Variants in GALNT13 observed in about 807,000 individuals in gnomAD.
The protein encoded by GALNT13 is UDP-GalNAc:polypeptide N-acetylgalactosaminyltransferase 13.
Under a neutral mutation model 64.2 loss-of-function variants are expected in GALNT13, and 28 were observed. The observed-to-expected ratio is 0.44, with a 90% CI of 0.32 to 0.60. GALNT13 has a LOEUF of 0.60. Among genes scored for constraint, GALNT13 ranks in the 20% least tolerant of loss-of-function variants. The probability of loss-of-function intolerance (pLI) is 0.05; values close to 1 mark genes in which losing one functional copy is unlikely to be tolerated. For synonymous variants in GALNT13, 214 were observed against 224.6 expected (o/e 0.95, Z 0.42); for missense variants, 577 against 669.8 (o/e 0.86, Z 1.53).
intron 10 of GALNT13, among the ~76,000 whole-genome samples, chr2:154,408,234 G>C (rs978057604): frequency 6.6e-6 from 1 of 151,732 alleles, no homozygotes; most frequent in African/African-American, 2.4e-5. Context: ...GTCAATTATT[G>C]GTTTTGTAAT....
intron 3 of GALNT13, among the ~76,000 whole-genome samples, chr2:154,085,586 C>T (rs1701482213): frequency 6.6e-6 from 1 of 151,952 alleles, no homozygotes; most frequent in Non-Finnish European, 1.5e-5. Flanking sequence ...TTTCTGCTTC[C>T]ATCATTTAAT....
chr2:153,985,808 G>C (rs1182800159), intron 3 of GALNT13, among the ~76,000 whole-genome samples: 2 of 151,880 alleles, frequency 1.3e-5, no homozygotes, highest in Non-Finnish European at 2.9e-5. Context: ...GAATTTTCCT[G>C]TTTCATTATT....
chr2:154,190,503 T>G (rs1284982133), intron 4 of GALNT13, among the ~76,000 whole-genome samples: 2 of 152,234 alleles, frequency 1.3e-5, no homozygotes, highest in African/African-American at 2.4e-5. Flanking sequence ...GTGTATTTAT[T>G]TAATTGACAT....
Position 154,285,315 on chromosome 2 carries a change from T to C in GALNT13, c.976-16094T>C, listed in dbSNP as rs557039984. 7.2e-5 allele frequency among the ~76,000 whole-genome samples: 11 copies of C among 152,300 alleles called. No homozygotes were observed. In the East Asian group the frequency reaches 2.1e-3, roughly 29 times the overall value. ...CCCAGACTAATATCATGGAGTTTTT[T>C]CCCCATGTTTTATTTGAGTAACTTT... On this transcript the variant is annotated intron_variant, in intron 8 of 12. Transcript: ENST00000392825.
chr2:153,426,328 C>A, the GALNT13 span, among the ~76,000 whole-genome samples: 1 of 151,770 alleles, frequency 6.6e-6, no homozygotes, highest in African/African-American at 2.4e-5. Context: ...GGATTTCCAT[C>A]AAGCAGAGGG....
chr2:153,243,728 G>A, the GALNT13 span, among the ~76,000 whole-genome samples: 1 of 152,178 alleles, frequency 6.6e-6, no homozygotes, highest in Non-Finnish European at 1.5e-5. Flanking sequence ...TGCAAAGCAT[G>A]TTCTGTGGGT....
rs540916247 is a variant in GALNT13 at position 154,373,591 on chromosome 2, G to A, written c.1157-22400G>A. On this transcript the variant is annotated intron_variant, in intron 9 of 12. Transcript: ENST00000392825. ...AGACAACTTCATCACTGGACTTTTT[G>A]CCCTCAAAAGATCTTGTATAAAAAT... 9.9e-5 allele frequency among the ~76,000 whole-genome samples: 15 copies of A among 152,240 alleles called. No individual in the cohort carries two copies. In the South Asian group the frequency reaches 3.1e-3, roughly 32 times the overall value.
chr2:153,896,457 T>G (rs1274733994), intron 1 of GALNT13, among the ~76,000 whole-genome samples: 1 of 151,836 alleles, frequency 6.6e-6, no homozygotes, highest in African/African-American at 2.4e-5. Flanking sequence ...AGATGTAAAT[T>G]GTATATACAT....
chr2:154,243,759 C>G (rs1689624561), intron 6 of GALNT13, among the ~76,000 whole-genome samples: 1 of 152,104 alleles, frequency 6.6e-6, no homozygotes, highest in Non-Finnish European at 1.5e-5. Context: ...TTACATAACA[C>G]CATACTTGCA....
At chr2:154,152,055 G>T (rs1232650427) in intron 4 of GALNT13, among the ~76,000 whole-genome samples, 2 of 152,146 alleles carry the variant, frequency 1.3e-5, no homozygotes, top group African/African-American at 4.8e-5. Flanking sequence ...GCATGTTTTT[G>T]CAGTGGCTGG....
chr2:153,697,460 G>A, the GALNT13 span, among the ~76,000 whole-genome samples: 50 of 152,098 alleles, frequency 3.3e-4, no homozygotes, highest in Admixed American at 6.6e-5. Context: ...AAATTTCAAA[G>A]GCCCTGGGAT....
chr2:153,946,609 A>G (rs1691767657), intron 3 of GALNT13, among the ~76,000 whole-genome samples: 1 of 152,046 alleles, frequency 6.6e-6, no homozygotes, highest in South Asian at 2.1e-4. Flanking sequence ...CACTAGGCAG[A>G]ATAGTTGAGA....
the GALNT13 span, among the ~76,000 whole-genome samples, chr2:153,743,183 A>T: frequency 6.6e-6 from 1 of 152,106 alleles, no homozygotes; most frequent in African/African-American, 2.4e-5. Flanking sequence ...ATTCTTTTCC[A>T]TAGAGGTTGT....
chr2:154,244,253 T>C (rs2105874840), intron 6 of GALNT13, among the ~76,000 whole-genome samples: 1 of 152,258 alleles, frequency 6.6e-6, no homozygotes, highest in African/African-American at 2.4e-5. Context: ...GATTATAAAG[T>C]TTAAAACTAC....
At chr2:153,776,980 T>C in the GALNT13 span, among the ~76,000 whole-genome samples, 1 of 152,244 alleles carries the variant, frequency 6.6e-6, no homozygotes, top group Admixed American at 6.5e-5. Context: ...TCTTGTCTTT[T>C]AAGGCTCGTT....
the GALNT13 span, among the ~76,000 whole-genome samples, chr2:153,663,781 G>T: frequency 1.1e-4 from 16 of 152,172 alleles, no homozygotes; most frequent in African/African-American, 3.9e-4. Flanking sequence ...TGGAGTAGGA[G>T]AAGTTATTCT....
At chr2:153,647,810 G>C in the GALNT13 span, among the ~76,000 whole-genome samples, 1 of 152,106 alleles carries the variant, frequency 6.6e-6, no homozygotes, top group Non-Finnish European at 1.5e-5. Flanking sequence ...GCTCTGTTCT[G>C]TTCCATTGGT....
the GALNT13 span, among the ~76,000 whole-genome samples, chr2:153,196,760 C>T: frequency 6.6e-6 from 1 of 152,006 alleles, no homozygotes. Flanking sequence ...TGTGGCAGCC[C>T]CCAGGGTGGT....
chr2:153,616,556 T>C, the GALNT13 span, among the ~76,000 whole-genome samples: 2 of 152,068 alleles, frequency 1.3e-5, no homozygotes, highest in Non-Finnish European at 2.9e-5. Context: ...TTCCAATCCA[T>C]GAACAAGGAA....
Sources: gnomAD v4.1 joint callset for allele counts (sites outside exome capture counted in the v4.1 genomes callset) on GRCh38, gnomAD v4.1.1 for gene constraint, MANE v1.5 for transcripts, NCBI Gene and HGNC (gene_info 2026-07-23, HGNC 2026-07-21) for gene names.